PTPRD: variants seen among roughly 807,000 people sequenced by gnomAD.
PTPRD encodes receptor-type tyrosine-protein phosphatase delta.
A neutral mutation model predicts 214.5 loss-of-function variants in PTPRD; 34 were observed. That is an observed-to-expected ratio of 0.16 (90% CI 0.12 to 0.21). PTPRD has a LOEUF of 0.21. Ranked by LOEUF, PTPRD falls within the 10% of genes least tolerant of loss-of-function variation. The pLI is 1.00. For missense variants in PTPRD, 2,545 were observed against 2,398.7 expected, an observed-to-expected ratio of 1.06 and a Z score of -1.27; for synonymous variants, 1,128 against 845.7, an observed-to-expected ratio of 1.33 and a Z score of -5.79.
chr9:9,558,204 C>A (rs990766735), intron 8 of PTPRD, among the ~76,000 whole-genome samples: 4 of 152,168 alleles, frequency 2.6e-5, no homozygotes, highest in African/African-American at 9.7e-5. Flanking sequence ...GCCAAGCAAG[C>A]CTGTACAGTG....
chr9:8,760,120 C>T (rs373160102), intron 11 of PTPRD, among the ~76,000 whole-genome samples: 3 of 152,120 alleles, frequency 2.0e-5, no homozygotes, highest in South Asian at 4.1e-4. Flanking sequence ...TGGTAGAGAC[C>T]GGGTTTTACC....
At chr9:10,340,200 G>A (rs778109904) in intron 3 of PTPRD, among the ~76,000 whole-genome samples, 3 of 151,802 alleles carry the variant, frequency 2.0e-5, no homozygotes, top group African/African-American at 4.8e-5. Flanking sequence ...CTGTGATACG[G>A]TTATGTACAT....
intron 12 of PTPRD, among the ~76,000 whole-genome samples, chr9:8,685,786 C>A (rs2097667999): frequency 6.6e-6 from 1 of 152,190 alleles, no homozygotes; most frequent in South Asian, 2.1e-4. Context: ...CATTTTCCGA[C>A]TGAAATCTTT....
At chr9:8,759,298 T>A (rs984435117) in intron 11 of PTPRD, among the ~76,000 whole-genome samples, 3 of 152,172 alleles carry the variant, frequency 2.0e-5, no homozygotes, top group Non-Finnish European at 4.4e-5. Flanking sequence ...GTGATCTTCC[T>A]GCCTTGGCTT....
intron 4 of PTPRD, among the ~76,000 whole-genome samples, chr9:10,014,209 C>T (rs2096655547): frequency 6.6e-6 from 1 of 151,856 alleles, no homozygotes; most frequent in African/African-American, 2.4e-5. Flanking sequence ...TGAAATGTCC[C>T]TTAAAGCAGG....
intron 12 of PTPRD, among the ~76,000 whole-genome samples, chr9:8,702,442 A>C (rs2098110564): frequency 6.6e-6 from 1 of 152,140 alleles, no homozygotes; most frequent in South Asian, 2.1e-4. Flanking sequence ...CTACTACGTG[A>C]GTTCATGAGA....
chr9:8,818,970 T>C (rs184127456), intron 11 of PTPRD, among the ~76,000 whole-genome samples: 52 of 152,314 alleles, frequency 3.4e-4, no homozygotes, highest in Non-Finnish European at 5.9e-4. Flanking sequence ...CATAGCACTC[T>C]AGTCCACTAC....
At chr9:9,426,501 A>G (rs2142958771) in intron 8 of PTPRD, among the ~76,000 whole-genome samples, 1 of 152,300 alleles carries the variant, frequency 6.6e-6, no homozygotes, top group Non-Finnish European at 1.5e-5. Flanking sequence ...GCTGAACAAA[A>G]GGAGCAGAAA....
intron 3 of PTPRD, among the ~76,000 whole-genome samples, chr9:10,287,438 G>A (rs542393257): frequency 1.3e-5 from 2 of 152,090 alleles, no homozygotes; most frequent in African/African-American, 4.8e-5. Flanking sequence ...TTCAGTCCCC[G>A]CATGGAGACT....
At chr9:9,616,828 T>C (rs1051192721) in intron 7 of PTPRD, among the ~76,000 whole-genome samples, 12 of 152,198 alleles carry the variant, frequency 7.9e-5, no homozygotes, top group Non-Finnish European at 1.6e-4. Context: ...TTTTTTAAAA[T>C]TTCATAATAA....
At position 9,395,384 on chromosome 9, in the gene PTPRD, T is replaced by A. The variant is rs1004263828; in HGVS notation, c.-203+2065A>T. ...CAAAGTTTAGATGTTAGGCTTCATT[T>A]ACCTTGAGAGACTCTGAGTTAATTG... On this transcript the variant is annotated intron_variant, in intron 9 of 45. Coordinates refer to ENST00000381196, the MANE Select transcript of PTPRD (RefSeq NM_002839.4). Among the ~76,000 whole-genome samples the A allele has an allele frequency of 2.1e-4, 32 of 152,136 alleles. 1 individual carries two copies. The highest frequency in any genetic ancestry group is 1.3e-4 in the Non-Finnish European group (9 of 68,016).
At chr9:9,388,119 C>G (rs7046028) in intron 9 of PTPRD, among the ~76,000 whole-genome samples, 8,145 of 152,124 alleles carry the variant, frequency 0.054, 701 homozygotes, top group African/African-American at 0.18. Flanking sequence ...ATGGGGGAGC[C>G]AGAAGGGAAA....
chr9:9,988,347 A>G (rs1259113385), intron 4 of PTPRD, among the ~76,000 whole-genome samples: 2 of 152,154 alleles, frequency 1.3e-5, no homozygotes, highest in Non-Finnish European at 2.9e-5. Flanking sequence ...AGAAGTTCAG[A>G]CTTGAAAACT....
chr9:8,934,393 A>ATGTGTGTGTG (rs756848411), intron 11 of PTPRD, among the ~76,000 whole-genome samples: 3 of 48,212 alleles, frequency 6.2e-5, no homozygotes, highest in Non-Finnish European at 1.2e-4. Flanking sequence ...AATACTAATT[A>ATGTGTGTGTG]TGTGTGTGTG....
intron 11 of PTPRD, among the ~76,000 whole-genome samples, chr9:8,895,858 T>C (rs542954473): frequency 6.6e-6 from 1 of 152,318 alleles, no homozygotes; most frequent in African/African-American, 2.4e-5. Context: ...CACATTAAAG[T>C]TGGGCATTTC....
intron 35 of PTPRD, among the ~76,000 whole-genome samples, chr9:8,419,105 C>G (rs1476049808): frequency 6.6e-6 from 1 of 151,478 alleles, no homozygotes; most frequent in Non-Finnish European, 1.5e-5. Flanking sequence ...CCTGTAGTCC[C>G]AGCTACTTGG....
At chr9:8,581,537 A>G (rs1360882609) in intron 14 of PTPRD, among the ~76,000 whole-genome samples, 1 of 149,208 alleles carries the variant, frequency 6.7e-6, no homozygotes, top group East Asian at 2.0e-4. Flanking sequence ...TCACGAGGTC[A>G]GGATATTGAG....
chr9:8,527,429 T>C, intron 15 of PTPRD, 76 bp from the exon 16 acceptor site: 1 of 1,428,436 alleles, frequency 7.0e-7, no homozygotes, highest in Non-Finnish European at 9.7e-7. Context: ...GTACAAATTT[T>C]TCAGAGTTAA....
intron 7 of PTPRD, among the ~76,000 whole-genome samples, chr9:9,619,647 T>G (rs1041359996): frequency 6.9e-6 from 1 of 145,546 alleles, no homozygotes; most frequent in Non-Finnish European, 1.5e-5. Context: ...ATATTTATAT[T>G]GTATAGAAAT....
Sources: gnomAD v4.1 joint callset for allele counts (sites outside exome capture counted in the v4.1 genomes callset) on GRCh38, gnomAD v4.1.1 for gene constraint, MANE v1.5 for transcripts, NCBI Gene and HGNC (gene_info 2026-07-23, HGNC 2026-07-21) for gene names.